The following SPTA1 variants were observed in gnomAD, a reference collection of about 807,000 sequenced individuals.
The protein encoded by SPTA1 is spectrin alpha, erythrocytic 1.
Under a neutral mutation model 324.7 loss-of-function variants are expected in SPTA1, and 177 were observed. The ratio of observed to expected loss-of-function variants is 0.55; its 90% CI spans 0.48 to 0.62. The LOEUF (loss-of-function observed/expected upper bound fraction) is 0.62. SPTA1 is among the 20% of genes least tolerant of loss of function. The pLI, the probability that SPTA1 is intolerant of heterozygous loss-of-function variation, is 0.00. For synonymous variants in SPTA1, 1,195 were observed against 1,041.3 expected, an observed-to-expected ratio of 1.15 and a Z score of -2.84; for missense variants, 3,162 against 2,883.6, an observed-to-expected ratio of 1.10 and a Z score of -2.21.
intron 37 of SPTA1, among the ~76,000 whole-genome samples, 192 bp from the exon 38 acceptor site, chr1:158,636,226 A>G (rs1052812468): frequency 1.3e-5 from 2 of 152,150 alleles, no homozygotes; most frequent in South Asian, 4.1e-4. Flanking sequence ...AAACTTTCCC[A>G]AGTATTTGCA....
chr1:158,661,511 A>G, intron 17 of SPTA1, 102 bp from the exon 18 acceptor site: 1 of 1,480,814 alleles, frequency 6.8e-7, no homozygotes, highest in South Asian at 1.1e-5. Flanking sequence ...CTTTCCTTTG[A>G]AGTTCTAACC....
chr1:158,614,204 T>G, intron 49 of SPTA1, 49 bp downstream of exon 49: 2 of 1,362,400 alleles, frequency 1.5e-6, no homozygotes, highest in Non-Finnish European at 1.0e-6. Context: ...AGACTCATTC[T>G]GAATAATCTG....
intron 2 of SPTA1, among the ~76,000 whole-genome samples, chr1:158,684,150 T>C (rs192356491): frequency 3.3e-5 from 5 of 151,176 alleles, no homozygotes; most frequent in African/African-American, 1.2e-4. Flanking sequence ...AGAACAGGTA[T>C]CACATGCTAT....
chr1:158,623,163 G>T lies in SPTA1; in HGVS notation c.5940C>A (p.Phe1980Leu), dbSNP rs756210079. Residue 1980 changes from phenylalanine to leucine, a missense_variant, in exon 43 of 52, where the codon TTC (phenylalanine) becomes TTA (leucine). Phe to Leu is a conservative substitution (Grantham distance 22). Transcript: ENST00000643759. ...QDTLDASLQS[F>L]QQERLPEITD... Reference sequence around the variant, plus strand: ...TGATCTCGGGAAGTCTCTCTTGCTGGAAACTCTGCAGACTGGCATCCAGAG... The same window carrying T: ...TGATCTCGGGAAGTCTCTCTTGCTGTAAACTCTGCAGACTGGCATCCAGAG... 2.5e-6 allele frequency: 4 copies of T among 1,614,156 alleles called. No homozygotes were observed. The highest frequency in any genetic ancestry group is 3.4e-6 in the Non-Finnish European group (4 of 1,180,026).
Position 158,651,349 on chromosome 1 carries a change from G to C in SPTA1, c.3477+18C>G. 9 of 1,565,158 alleles carry C rather than the reference G, an allele frequency of 5.8e-6. No individual in the cohort carries two copies. The highest frequency in any genetic ancestry group is 7.9e-6 in the Non-Finnish European group (9 of 1,135,354). ...GCCCAACCTGGTAGTGAGGAGGAATGGAGGGAGCCTTAGTTACCTGCCGGA... is the reference window on the plus strand; with the variant it reads ...GCCCAACCTGGTAGTGAGGAGGAATCGAGGGAGCCTTAGTTACCTGCCGGA... On this transcript the variant is annotated intron_variant, in intron 24 of 51. Transcript: ENST00000643759.
chr1:158,645,612 T>C lies in SPTA1; in HGVS notation c.3897-18A>G. The C allele has an allele frequency of 6.2e-7, 1 of 1,613,518 alleles. No individual in the cohort carries two copies. The highest frequency in any genetic ancestry group is 2.2e-5 in the East Asian group (1 of 44,866). ...GCAGATCCCTAGATAAACAGACACA[T>C]TGGAATTGACAAGAAAACCTTGCAA... On this transcript the variant is annotated intron_variant, in intron 27 of 51. Coordinates refer to ENST00000643759, the MANE Select transcript of SPTA1 (RefSeq NM_003126.4).
chr1:158,645,859 C>T (rs1651962608), intron 27 of SPTA1, among the ~76,000 whole-genome samples: 1 of 152,036 alleles, frequency 6.6e-6, no homozygotes, highest in African/African-American at 2.4e-5. Flanking sequence ...TTTTTGTTTT[C>T]ATTATGGAGA....
chr1:158,653,577 G>A, intron 21 of SPTA1, 152 bp from the exon 22 acceptor site: 1 of 1,053,588 alleles, frequency 9.5e-7, no homozygotes, highest in Non-Finnish European at 1.4e-6. Flanking sequence ...TTTCATATAT[G>A]ACCAAGAAAT....
In SPTA1 at chr1:158,615,043, G is replaced by A. The variant is rs752318303; in HGVS notation, c.6788+173C>T. 5 of 716,202 alleles carry A rather than the reference G, an allele frequency of 7.0e-6. No homozygotes were observed. In the Admixed American group the frequency reaches 1.2e-4, roughly 18 times the overall value. The allele number at this position is 716,202 out of a possible 1,614,324, so 44.4% of individuals were successfully genotyped here. On this transcript the variant is annotated intron_variant, in intron 48 of 51. Transcript: ENST00000643759. ...TGGAGAGCACTGTCTTTTATTTCATGATGGATTTCAGTATAAAGAGAAATA... is the reference window on the plus strand; with the variant it reads ...TGGAGAGCACTGTCTTTTATTTCATAATGGATTTCAGTATAAAGAGAAATA...
chr1:158,654,533 T>C, intron 21 of SPTA1, 78 bp downstream of exon 21: 4 of 1,581,510 alleles, frequency 2.5e-6, no homozygotes, highest in Non-Finnish European at 2.6e-6. Context: ...ATGGTAAAAA[T>C]ATGAATATCT....
Position 158,666,453 on chromosome 1 carries a change from T to A in SPTA1, c.2083A>T (p.Asn695Tyr), listed in dbSNP as rs762742173. The A allele has an allele frequency of 6.2e-7, 1 of 1,612,808 alleles. No homozygotes were observed. Among genetic ancestry groups the A allele is most frequent in the Non-Finnish European group, 8.5e-7 (1 of 1,179,958 alleles). The change falls in exon 16 of 52, where the codon AAT becomes TAT. Residue 695 changes from asparagine to tyrosine, a missense_variant. Transcript: ENST00000643759. ...AGCCAGCGCTGCAAATCTTCTGCATTATTTTCAAATTGCAGCTGCTGGTTG... is the reference window on the plus strand; with the variant it reads ...AGCCAGCGCTGCAAATCTTCTGCATAATTTTCAAATTGCAGCTGCTGGTTG... ...EANQQLQFEN[N>Y]AEDLQRWLED...
At position 158,614,311 on chromosome 1, in the gene SPTA1, A is replaced by AGG; in HGVS notation, c.6789-6_6789-5insCC. The AGG allele has an allele frequency of 6.5e-7, 1 of 1,539,268 alleles. No homozygotes were observed. The highest frequency in any genetic ancestry group is 8.8e-7 in the Non-Finnish European group (1 of 1,134,430). ...TCACTCACACCTTTGATGTCCCTGA[A>AGG]AGAAAAAAAAAAAACATGAATTTTC... is the stretch of plus-strand genomic sequence containing the variant. On this transcript the variant is annotated splice_polypyrimidine_tract_variant and splice_region_variant and intron_variant, in intron 48 of 51. Transcript: ENST00000643759.
intron 26 of SPTA1, among the ~76,000 whole-genome samples, chr1:158,648,141 A>G (rs988313366): frequency 6.6e-6 from 1 of 152,114 alleles, no homozygotes; most frequent in Non-Finnish European, 1.5e-5. Flanking sequence ...GCTAAGAAAA[A>G]CATGCACCAT....
In SPTA1 at chr1:158,657,529, T is replaced by C. The variant is rs2101877625; in HGVS notation, c.2753A>G (p.Lys918Arg). 2 of 1,571,840 alleles carry C rather than the reference T, an allele frequency of 1.3e-6. No individual in the cohort carries two copies. Among genetic ancestry groups the C allele is most frequent in the South Asian group, 2.2e-5 (2 of 90,532 alleles). The stretch of plus-strand genomic sequence containing the variant: ...GTTAGTATTATCTACAATAGGTTCC[T>C]TCTCTCTGATCCATGTTTCTGCTTC... ...LHEAETWIREKEPIVDNTNYG... is the reference protein window; with the variant it reads ...LHEAETWIREREPIVDNTNYG... Residue 918 changes from lysine (K) to arginine (R), a missense_variant, in exon 19 of 52, where the codon AAG becomes AGG. Lys to Arg is a conservative substitution (Grantham distance 26). Transcript: ENST00000643759.
At position 158,636,648 on chromosome 1, in the gene SPTA1, G is replaced by GCAGGCT. The variant is rs775920355; in HGVS notation, c.5297_5302dup (p.Glu1766_Pro1767dup). Reference sequence around the variant, plus strand: ...CTGGTATTCTATTCCTACCTGGATGGCAGGCTCATGGGCCACCAGCTCCCC... The same window carrying GCAGGCT: ...CTGGTATTCTATTCCTACCTGGATGGCAGGCTCAGGCTCATGGGCCACCAGCTCCCC... On this transcript the variant is annotated inframe_insertion, in exon 37 of 52. Transcript: ENST00000643759. 2.5e-5 allele frequency: 41 copies of GCAGGCT among 1,613,872 alleles called. No individual in the cohort carries two copies. In the African/African-American group the frequency reaches 5.5e-4, roughly 22 times the overall value.
In SPTA1 at chr1:158,611,020, C is replaced by T. The variant is rs1278763862; in HGVS notation, c.*244G>A. 3.9e-6 allele frequency: 2 copies of T among 513,466 alleles called. No individual in the cohort carries two copies. The highest frequency in any genetic ancestry group is 2.1e-5 in the South Asian group (1 of 48,494). The allele number at this position is 513,466 out of a possible 1,614,324, so 31.8% of individuals were successfully genotyped here. On this transcript the variant is annotated 3_prime_UTR_variant, in exon 52 of 52. Coordinates refer to ENST00000643759, the MANE Select transcript of SPTA1 (RefSeq NM_003126.4). ...AAACTTTGACACCCCTCAGCAGTGACTAGTTGCATACAAAATAGCTTCCAC... is the reference window on the plus strand; with the variant it reads ...AAACTTTGACACCCCTCAGCAGTGATTAGTTGCATACAAAATAGCTTCCAC...
At chr1:158,658,819 G>T (rs1166225127) in intron 18 of SPTA1, among the ~76,000 whole-genome samples, 1 of 152,130 alleles carries the variant, frequency 6.6e-6, no homozygotes, top group East Asian at 1.9e-4. Flanking sequence ...TCAGAAGCTT[G>T]CAAAGTCAGA....
chr1:158,636,777 A>G lies in SPTA1; in HGVS notation c.5190-16T>C, dbSNP rs199772133. The G allele has an allele frequency of 4.2e-5, 68 of 1,613,946 alleles. No individual in the cohort carries two copies. The Admixed American group carries it at 1.1e-3, about 27-fold the overall frequency. ...CAACTTCTCCCTAAAATCAAGGAAG[A>G]AAACAGAAAGTTTGGAGTCTAGACA... On this transcript the variant is annotated splice_polypyrimidine_tract_variant and intron_variant, in intron 36 of 51. Transcript: ENST00000643759.
rs746792343 is a variant in SPTA1 at position 158,647,566 on chromosome 1, T to G, written c.3869A>C (p.Lys1290Thr). Residue 1290 changes from lysine (K) to threonine (T), a missense_variant, in exon 27 of 52, where the codon AAA (lysine) becomes ACA (threonine). Lys to Thr is a moderately conservative substitution (Grantham distance 78). Transcript: ENST00000643759. ...DRKESLNEAQKFYLFLSKARD... is the reference protein window; with the variant it reads ...DRKESLNEAQTFYLFLSKARD... ...GGCCTTGCTGAGGAACAGGTAGAAT[T>G]TCTGGGCCTCATTTAGGCTCTCCTT... The G allele has an allele frequency of 6.2e-7, 1 of 1,613,582 alleles. No homozygotes were observed. Among genetic ancestry groups the G allele is most frequent in the Non-Finnish European group, 8.5e-7 (1 of 1,179,862 alleles).
Sources: allele counts gnomAD v4.1 joint callset (sites outside exome capture counted in the v4.1 genomes callset), GRCh38; gene constraint gnomAD v4.1.1; transcripts MANE v1.5; gene names NCBI Gene and HGNC (gene_info 2026-07-23, HGNC 2026-07-21).